The following STXBP5 variants were observed in gnomAD, a reference collection of about 807,000 sequenced individuals.
STXBP5 encodes the protein syntaxin-binding protein 5.
A neutral mutation model predicts 152.4 loss-of-function variants in STXBP5; 50 were observed. The observed-to-expected ratio is 0.33, with a 90% CI of 0.26 to 0.42. The LOEUF (loss-of-function observed/expected upper bound fraction) is 0.42. STXBP5 is among the 10% of genes least tolerant of loss of function. The pLI, the probability that STXBP5 is intolerant of heterozygous loss-of-function variation, is 1.00. For synonymous variants in STXBP5, 492 were observed against 494.7 expected (o/e 0.99, Z 0.07); for missense variants, 1,167 against 1,388.6 (o/e 0.84, Z 2.54).
At chr6:147,360,639 T>G (rs1043249019) in intron 23 of STXBP5, among the ~76,000 whole-genome samples, 6 of 152,160 alleles carry the variant, frequency 3.9e-5, no homozygotes, top group Non-Finnish European at 7.4e-5. Context: ...TACACATGGT[T>G]ATTTTTCATC....
chr6:147,382,824 T>C lies in STXBP5; in HGVS notation c.3240T>C (p.His1080=), dbSNP rs771246277. The part of the protein sequence containing the change: ...SGKASRSLAQ[H]IPGPGGIEGV... Reference sequence around the variant, plus strand: ...AGGCTTCAAGGAGCCTTGCACAGCATATTCCTGGCCCTGGTGGCATTGAAG... The same window carrying C: ...AGGCTTCAAGGAGCCTTGCACAGCACATTCCTGGCCCTGGTGGCATTGAAG... Residue 1080 remains histidine, a synonymous_variant, in exon 27 of 28, where the codon CAT becomes CAC. Transcript: ENST00000321680. 5 of 1,613,566 alleles carry C rather than the reference T, an allele frequency of 3.1e-6. No homozygotes were observed. The highest frequency in any genetic ancestry group is 4.2e-6 in the Non-Finnish European group (5 of 1,179,648).
At chr6:147,211,456 G>C (rs1427229487) in intron 2 of STXBP5, among the ~76,000 whole-genome samples, 1 of 151,946 alleles carries the variant, frequency 6.6e-6, no homozygotes, top group African/African-American at 2.4e-5. Context: ...TTACAAGATA[G>C]CATTAGAATA....
chr6:147,287,256 G>A (rs908665698), intron 8 of STXBP5, among the ~76,000 whole-genome samples: 1 of 123,984 alleles, frequency 8.1e-6, no homozygotes, highest in Admixed American at 1.0e-4. Context: ...AGGCTGGAGT[G>A]CAGTGGCGGG....
intron 9 of STXBP5, among the ~76,000 whole-genome samples, chr6:147,294,024 A>T (rs1440408131): frequency 6.6e-6 from 1 of 152,248 alleles, no homozygotes; most frequent in Non-Finnish European, 1.5e-5. Context: ...TTCTGATGAG[A>T]TAAAGCAAAT....
At chr6:147,340,101 G>T (rs924245737) in intron 21 of STXBP5, among the ~76,000 whole-genome samples, 2 of 151,896 alleles carry the variant, frequency 1.3e-5, no homozygotes, top group African/African-American at 4.8e-5. Context: ...GGATAAATTT[G>T]ATCTTTGATT....
chr6:147,340,788 A>G (rs1445093219), intron 21 of STXBP5, among the ~76,000 whole-genome samples: 2 of 152,250 alleles, frequency 1.3e-5, no homozygotes, highest in Admixed American at 6.5e-5. Flanking sequence ...TAGAATATGT[A>G]ACATGTAATA....
At chr6:147,293,471 G>A (rs1009080423) in intron 9 of STXBP5, 2 of 152,204 alleles carry the variant, frequency 1.3e-5, no homozygotes, top group Non-Finnish European at 2.9e-5. Context: ...TCCAGCTAGA[G>A]CAGAATCAGC....
At chr6:147,379,882 A>G (rs1785992573) in intron 26 of STXBP5, among the ~76,000 whole-genome samples, 1 of 152,158 alleles carries the variant, frequency 6.6e-6, no homozygotes, top group African/African-American at 2.4e-5. Context: ...GAAAAGTTTC[A>G]TTTATAGCAG....
chr6:147,233,628 T>C (rs1778121885), intron 2 of STXBP5, among the ~76,000 whole-genome samples: 1 of 151,742 alleles, frequency 6.6e-6, no homozygotes, highest in African/African-American at 2.4e-5. Flanking sequence ...AAGAATAATT[T>C]AGCTGAAGCG....
At chr6:147,224,865 C>T (rs1294411855) in intron 2 of STXBP5, among the ~76,000 whole-genome samples, 1 of 152,100 alleles carries the variant, frequency 6.6e-6, no homozygotes, top group African/African-American at 2.4e-5. Context: ...TCTTTGATCC[C>T]ATTACAGTGG....
At chr6:147,250,265 G>C (rs142118046) in intron 4 of STXBP5, among the ~76,000 whole-genome samples, 41 of 152,102 alleles carry the variant, frequency 2.7e-4, no homozygotes, top group Non-Finnish European at 5.4e-4. Context: ...CGAATTTCAA[G>C]ACTGTTATGG....
At chr6:147,270,718 T>A (rs1325130143) in intron 7 of STXBP5, among the ~76,000 whole-genome samples, 1 of 152,128 alleles carries the variant, frequency 6.6e-6, no homozygotes, top group Non-Finnish European at 1.5e-5. Flanking sequence ...AAATATGTGG[T>A]AGATATAAAA....
At position 147,239,197 on chromosome 6, in the gene STXBP5, G is replaced by A. The variant is rs1233156793; in HGVS notation, c.358G>A (p.Asp120Asn). 1 of 1,613,410 alleles carries A rather than the reference G, an allele frequency of 6.2e-7. No individual in the cohort carries two copies. The highest frequency in any genetic ancestry group is 1.1e-5 in the South Asian group (1 of 90,998). ...EGALVSALAD[D>N]TLHLWNLRQK... ...AGCGCTTGTGAGTGCCTTGGCTGAT[G>A]ACACCTTACACTTATGGAATTTACG... The change falls in exon 4 of 28, where the codon GAC becomes AAC. Residue 120 changes from aspartate (D) to asparagine (N), a missense_variant. Physicochemically the swap from Asp to Asn is conservative, Grantham distance 23 (BLOSUM62 1). Around this residue, in one of 3 missense-constraint regions of STXBP5, gnomAD observed 310 missense variants for 346.1 expected, o/e 0.90. Transcript: ENST00000321680.
chr6:147,371,485 C>T (rs1785538414), intron 25 of STXBP5, among the ~76,000 whole-genome samples: 1 of 152,054 alleles, frequency 6.6e-6, no homozygotes, highest in African/African-American at 2.4e-5. Flanking sequence ...ACTCCTGGCA[C>T]TTTATATGCT....
intron 22 of STXBP5, among the ~76,000 whole-genome samples, chr6:147,354,516 T>G (rs1784731005): frequency 6.6e-6 from 1 of 151,216 alleles, no homozygotes; most frequent in Admixed American, 6.6e-5. Flanking sequence ...AGGCACACAG[T>G]GTGCATTTTT....
rs1786485158 is a variant in STXBP5 at position 147,389,342 on chromosome 6, A to T, written c.*4587A>T. On this transcript the variant is annotated 3_prime_UTR_variant, in exon 28 of 28. Coordinates refer to ENST00000321680, the MANE Select transcript of STXBP5 (RefSeq NM_001127715.4). ...AAAACTGGCTTACCTTTCTCAGATG[A>T]ATTAAATGATTTTAATAACTTCCCA... The T allele has an allele frequency of 6.6e-6, 1 of 151,842 alleles. No homozygotes were observed. The highest frequency in any genetic ancestry group is 2.4e-5 in the African/African-American group (1 of 41,432). 9.4% of individuals were successfully genotyped at this position (151,842 alleles called of 1,614,324 possible). A position where few individuals can be genotyped will look rare whatever the true frequency, so the allele number is the denominator to read the frequency against.
chr6:147,379,805 A>G (rs1363587471), intron 26 of STXBP5, among the ~76,000 whole-genome samples: 1 of 152,154 alleles, frequency 6.6e-6, no homozygotes, highest in African/African-American at 2.4e-5. Flanking sequence ...TTCAGGATAC[A>G]AGATCAATAT....
Position 147,363,655 on chromosome 6 carries a change from A to ATT in STXBP5, c.2866_2867insTT (p.Ser956IlefsTer14). ...TGGAGATATTGTAGCATTGAGTAAC[A>ATT]GTATCTGCCTTGCCTGTTTCTGTGC... is the stretch of plus-strand genomic sequence containing the variant. On this transcript the variant is annotated frameshift_variant, in exon 24 of 28. Transcript: ENST00000321680. LOFTEE classifies it high-confidence loss of function. 6.2e-7 allele frequency: 1 copy of ATT among 1,613,986 alleles called. No individual in the cohort carries two copies.
chr6:147,381,265 A>G (rs1247693499), intron 26 of STXBP5, among the ~76,000 whole-genome samples: 2 of 152,156 alleles, frequency 1.3e-5, no homozygotes, highest in African/African-American at 2.4e-5. Context: ...CAAATGACAA[A>G]TGAGTGCATG....
Sources: allele counts gnomAD v4.1 joint callset (sites outside exome capture counted in the v4.1 genomes callset), GRCh38; gene constraint gnomAD v4.1.1; regional missense constraint gnomAD v4.1.1; transcripts MANE v1.5; gene names NCBI Gene and HGNC (gene_info 2026-07-23, HGNC 2026-07-21).